ADGRV1: variants seen among roughly 807,000 people sequenced by gnomAD.
The protein encoded by ADGRV1 is adhesion G protein-coupled receptor V1.
Under a neutral mutation model 596.2 loss-of-function variants are expected in ADGRV1, and 359 were observed. That is an observed-to-expected ratio of 0.60 (90% CI 0.55 to 0.66). ADGRV1 has a LOEUF of 0.66. Ranked by LOEUF, ADGRV1 falls within the 30% of genes least tolerant of loss-of-function variation. ADGRV1 has a pLI of 0.00. For synonymous variants in ADGRV1, 2,681 were observed against 2,679.2 expected (o/e 1.00, Z -0.02); for missense variants, 7,274 against 7,575.6 (o/e 0.96, Z 1.48).
At chr5:90,588,845 G>C (rs1463788630) in intron 1 of ADGRV1, among the ~76,000 whole-genome samples, 1 of 152,200 alleles carries the variant, frequency 6.6e-6, no homozygotes, top group Non-Finnish European at 1.5e-5. Context: ...ATGGGAAAGT[G>C]AGTCCAAGTG....
At chr5:90,816,443 G>A (rs182462814) in intron 75 of ADGRV1, among the ~76,000 whole-genome samples, 1,519 of 149,492 alleles carry the variant, frequency 0.01, 15 homozygotes, top group Middle Eastern at 0.021. Context: ...TAAGTTTTAG[G>A]GTACATGTGC....
intron 87 of ADGRV1, among the ~76,000 whole-genome samples, chr5:91,109,185 A>G (rs1403726334): frequency 1.3e-5 from 2 of 152,210 alleles, no homozygotes; most frequent in African/African-American, 4.8e-5. Context: ...TTCTCGCCCA[A>G]GAACTGAACT....
chr5:90,670,472 A>G (rs1047907880), intron 21 of ADGRV1, among the ~76,000 whole-genome samples: 26 of 152,204 alleles, frequency 1.7e-4, no homozygotes, highest in African/African-American at 6.0e-4. Context: ...ACTAGAGACA[A>G]AGATGTTTGG....
chr5:91,010,275 T>TG (rs1348771889), intron 85 of ADGRV1, among the ~76,000 whole-genome samples: 1 of 152,078 alleles, frequency 6.6e-6, no homozygotes, highest in Non-Finnish European at 1.5e-5. Context: ...ACGCAGTTCC[T>TG]GGGGTGGATC....
chr5:90,694,327 T>A lies in ADGRV1; in HGVS notation c.7571T>A (p.Val2524Glu), dbSNP rs191036195. The change falls in exon 33 of 90, where the codon GTG becomes GAG. Residue 2524 changes from valine (V) to glutamate (E), a missense_variant. Physicochemically the swap from Val to Glu is moderately radical, Grantham distance 121 (BLOSUM62 -2). Coordinates refer to ENST00000405460, the MANE Select transcript of ADGRV1 (RefSeq NM_032119.4). Reference sequence around the variant, plus strand: ...GGTGATGAATTCGCAAATCTCACAGTGTCTATTCTTCCTGATGATTTCCCA... The same window carrying A: ...GGTGATGAATTCGCAAATCTCACAGAGTCTATTCTTCCTGATGATTTCCCA... ...QEGDEFANLT[V>E]SILPDDFPEM... The A allele has an allele frequency of 2.7e-5, 44 of 1,613,992 alleles. No individual in the cohort carries two copies. Among genetic ancestry groups the A allele is most frequent in the Non-Finnish European group, 3.6e-5 (42 of 1,179,862 alleles).
chr5:90,776,719 A>T (rs1758282691), intron 61 of ADGRV1, 143 bp downstream of exon 61: 3 of 908,568 alleles, frequency 3.3e-6, no homozygotes, highest in Admixed American at 5.1e-5. Flanking sequence ...TGTGGAGAGG[A>T]GAACAAATTT....
chr5:90,961,415 G>A (rs988896376), intron 83 of ADGRV1, among the ~76,000 whole-genome samples: 1 of 150,096 alleles, frequency 6.7e-6, no homozygotes, highest in African/African-American at 2.5e-5. Context: ...TTGAACCCGG[G>A]AGGCGGAGGT....
intron 83 of ADGRV1, among the ~76,000 whole-genome samples, chr5:90,879,712 C>G (rs575789931): frequency 6.6e-6 from 1 of 151,982 alleles, no homozygotes; most frequent in Non-Finnish European, 1.5e-5. Context: ...TTTGGGAGGT[C>G]AAGGCAGGCA....
At chr5:90,850,816 A>G (rs912196732) in intron 79 of ADGRV1, 1 of 152,214 alleles carries the variant, frequency 6.6e-6, no homozygotes, top group Non-Finnish European at 1.5e-5. Flanking sequence ...GCACAGAAAG[A>G]GTGGCCTTTT....
At chr5:91,006,994 G>A (rs1349629406) in intron 85 of ADGRV1, among the ~76,000 whole-genome samples, 1 of 152,192 alleles carries the variant, frequency 6.6e-6, no homozygotes, top group African/African-American at 2.4e-5. Flanking sequence ...ACACACTCCA[G>A]CAAAATTAAA....
In ADGRV1 at chr5:90,851,134, T is replaced by TGTGTGTGTGTGAGA. The variant is rs757909771; in HGVS notation, c.17205-2149_17205-2148insTGTGTGTGTGAGAG. 2.6e-3 allele frequency among the ~76,000 whole-genome samples: 214 copies of TGTGTGTGTGTGAGA among 81,508 alleles called. 2 individuals carry two copies. Among genetic ancestry groups the TGTGTGTGTGTGAGA allele is most frequent in the Middle Eastern group, 7.5e-3 (1 of 134 alleles). 53.5% of individuals were successfully genotyped at this position (81,508 alleles called of 152,430 possible). ...GTGTGTGTGTGTGTGTGTGTGTGTG[T>TGTGTGTGTGTGAGA]GAGAGAGAGAGAGAGAGAGAGAGAG... On this transcript the variant is annotated intron_variant, in intron 79 of 89. Coordinates refer to ENST00000405460, the MANE Select transcript of ADGRV1 (RefSeq NM_032119.4).
Position 91,164,034 on chromosome 5 carries a change from G to A in ADGRV1, c.*134G>A, listed in dbSNP as rs1350692401. On this transcript the variant is annotated 3_prime_UTR_variant, in exon 90 of 90. Coordinates refer to ENST00000405460, the MANE Select transcript of ADGRV1 (RefSeq NM_032119.4). The stretch of plus-strand genomic sequence containing the variant: ...GATGATTAATACAAACGTGATTGTT[G>A]TATTTGGAGTATAAATTACTGATTG... The A allele has an allele frequency of 2.9e-6, 2 of 699,664 alleles. No individual in the cohort carries two copies. Among genetic ancestry groups the A allele is most frequent in the Non-Finnish European group, 5.2e-6 (2 of 383,398 alleles). The allele number at this position is 699,664 out of a possible 1,614,324, so 43.3% of individuals were successfully genotyped here.
rs1772635956 is a variant in ADGRV1, at chr5:90,672,572, T to A, written c.4779T>A (p.Ser1593=). Residue 1593 remains serine (S), a synonymous_variant, in exon 22 of 90, where the codon TCT becomes TCA. Coordinates refer to ENST00000405460, the MANE Select transcript of ADGRV1 (RefSeq NM_032119.4). ...PEIAEEGSTI[S]CVVERTRGAL... is the part of the protein sequence containing the mutation. ...TTGCAGAGGAGGGATCAACCATTTC[T>A]TGTGTGGTTGAGAGAACCAGAGGAG... is the stretch of plus-strand genomic sequence containing the variant. The A allele has an allele frequency of 1.2e-6, 2 of 1,613,660 alleles. No individual in the cohort carries two copies. Among genetic ancestry groups the A allele is most frequent in the Non-Finnish European group, 1.7e-6 (2 of 1,179,628 alleles).
At chr5:90,991,872 T>C (rs1159191714) in intron 85 of ADGRV1, among the ~76,000 whole-genome samples, 3 of 152,104 alleles carry the variant, frequency 2.0e-5, no homozygotes, top group Non-Finnish European at 4.4e-5. Context: ...TAAAAGAGAA[T>C]CATGAAAAAA....
chr5:91,154,357 T>A (rs1465217407), intron 89 of ADGRV1, among the ~76,000 whole-genome samples: 1 of 152,268 alleles, frequency 6.6e-6, no homozygotes, highest in Non-Finnish European at 1.5e-5. Flanking sequence ...AGTATATTGC[T>A]TTGCTAAAAC....
In ADGRV1 at chr5:90,789,716, T is replaced by C; in HGVS notation, c.13908T>C (p.Gly4636=). The part of the protein sequence containing the change: ...KDVTLTIQEF[G]DPNGVVQFAP... Reference sequence around the variant, plus strand: ...ATATTTTTTAGATACAAGAGTTTGGTGACCCAAATGGAGTTGTTCAGTTTG... The same window carrying C: ...ATATTTTTTAGATACAAGAGTTTGGCGACCCAAATGGAGTTGTTCAGTTTG... The change falls in exon 69 of 90, where the codon GGT becomes GGC. Residue 4636 remains glycine (G), a synonymous_variant. Coordinates refer to ENST00000405460, the MANE Select transcript of ADGRV1 (RefSeq NM_032119.4). 6.4e-7 allele frequency: 1 copy of C among 1,552,844 alleles called. No homozygotes were observed. Among genetic ancestry groups the C allele is most frequent in the Non-Finnish European group, 8.7e-7 (1 of 1,144,294 alleles).
At chr5:91,012,641 C>CAGTT (rs1466798865) in intron 85 of ADGRV1, among the ~76,000 whole-genome samples, 2 of 151,866 alleles carry the variant, frequency 1.3e-5, no homozygotes, top group African/African-American at 4.8e-5. Context: ...AAACAAAAAG[C>CAGTT]AGTTTTCTCC....
intron 21 of ADGRV1, among the ~76,000 whole-genome samples, chr5:90,661,264 T>C (rs188116729): frequency 2.6e-5 from 4 of 152,362 alleles, no homozygotes; most frequent in Admixed American, 2.6e-4. Context: ...TTCATAGAAC[T>C]TGCTAATCGT....
chr5:90,740,495 C>A (rs1228865914), intron 50 of ADGRV1, among the ~76,000 whole-genome samples: 1 of 152,198 alleles, frequency 6.6e-6, no homozygotes, highest in Non-Finnish European at 1.5e-5. Flanking sequence ...GGAGAGCACG[C>A]AGGCTGGCTG....
Sources: allele counts gnomAD v4.1 joint callset (sites outside exome capture counted in the v4.1 genomes callset), GRCh38; gene constraint gnomAD v4.1.1; transcripts MANE v1.5; gene names NCBI Gene and HGNC (gene_info 2026-07-23, HGNC 2026-07-21).